TMTC1: variants seen among roughly 807,000 people sequenced by gnomAD.
TMTC1 encodes the protein protein O-mannosyl-transferase TMTC1.
A neutral mutation model predicts 104.8 loss-of-function variants in TMTC1; 73 were observed. The observed-to-expected ratio is 0.70, with a 90% confidence interval of 0.58 to 0.85. TMTC1 has a LOEUF of 0.85. Among genes scored for constraint, TMTC1 ranks in the 40% least tolerant of loss-of-function variants. TMTC1 has a pLI of 0.00. For missense variants in TMTC1, 1,035 were observed against 1,096.1 expected (o/e 0.94, Z 0.79); for synonymous variants, 434 against 428.7 (o/e 1.01, Z -0.15).
chr12:29,646,134 C>T (rs1413846874), intron 5 of TMTC1, among the ~76,000 whole-genome samples: 7 of 152,140 alleles, frequency 4.6e-5, no homozygotes, highest in Admixed American at 3.3e-4. Context: ...ATGCTGGTGT[C>T]TCATGGAGAA....
At chr12:29,633,866 G>A (rs1161635567) in intron 5 of TMTC1, among the ~76,000 whole-genome samples, 2 of 152,208 alleles carry the variant, frequency 1.3e-5, no homozygotes, top group Non-Finnish European at 2.9e-5. Context: ...AATGGATGGA[G>A]GAGGTGTTAT....
chr12:29,620,142 G>A (rs896810257), intron 6 of TMTC1, among the ~76,000 whole-genome samples: 1 of 152,204 alleles, frequency 6.6e-6, no homozygotes, highest in African/African-American at 2.4e-5. Context: ...TAAGCTGTGA[G>A]AATTTCATGA....
At chr12:29,711,656 A>C (rs1196611031) in intron 5 of TMTC1, among the ~76,000 whole-genome samples, 6 of 152,172 alleles carry the variant, frequency 3.9e-5, no homozygotes, top group Non-Finnish European at 7.4e-5. Context: ...GGACTTTAAA[A>C]AGCTGCTGAA....
At chr12:29,533,736 C>G (rs897148456) in intron 11 of TMTC1, 2 of 152,018 alleles carry the variant, frequency 1.3e-5, no homozygotes, top group African/African-American at 4.8e-5. Flanking sequence ...AGTTTGCCAA[C>G]TGAAAGAGCT....
At chr12:29,720,520 A>C (rs577310144) in intron 5 of TMTC1, among the ~76,000 whole-genome samples, 1 of 152,364 alleles carries the variant, frequency 6.6e-6, no homozygotes, top group South Asian at 2.1e-4. Context: ...CATAACTGAA[A>C]TATTAAATTC....
chr12:29,595,032 C>T (rs921340899), intron 7 of TMTC1, among the ~76,000 whole-genome samples: 21 of 152,196 alleles, frequency 1.4e-4, no homozygotes, highest in African/African-American at 4.1e-4. Context: ...GAAATCATGA[C>T]TTCCAATTAG....
intron 10 of TMTC1, among the ~76,000 whole-genome samples, chr12:29,547,056 T>A (rs1944962191): frequency 6.6e-6 from 1 of 151,894 alleles, no homozygotes; most frequent in Non-Finnish European, 1.5e-5. Context: ...GTGAATGGGG[T>A]GGGAAAATGA....
At chr12:29,745,695 A>G (rs1164181693) in intron 5 of TMTC1, among the ~76,000 whole-genome samples, 2 of 151,812 alleles carry the variant, frequency 1.3e-5, no homozygotes, top group Non-Finnish European at 2.9e-5. Flanking sequence ...AAGATTAGGA[A>G]AGATATAATT....
intron 5 of TMTC1, among the ~76,000 whole-genome samples, chr12:29,685,110 T>C (rs76287636): frequency 0.14 from 21,033 of 152,048 alleles, 1,738 homozygotes; most frequent in East Asian, 0.34. Context: ...TTTACCGACA[T>C]TGTAAATGAT....
intron 1 of TMTC1, among the ~76,000 whole-genome samples, chr12:29,776,310 A>G (rs1188384247): frequency 6.6e-6 from 1 of 152,216 alleles, no homozygotes; most frequent in Non-Finnish European, 1.5e-5. Context: ...GCAAGTTCCA[A>G]TAGAAATTCA....
chr12:29,508,718 C>T lies in TMTC1; in HGVS notation c.2509-1732G>A, dbSNP rs185253732. 4.6e-5 allele frequency among the ~76,000 whole-genome samples: 7 copies of T among 152,074 alleles called. No homozygotes were observed. The East Asian group carries it at 5.8e-4, about 13-fold the overall frequency. On this transcript the variant is annotated intron_variant, in intron 17 of 17. Coordinates refer to ENST00000539277, the MANE Select transcript of TMTC1 (RefSeq NM_001193451.2). ...CCTCCCGAGTAGCTGGGACTACAGG[C>T]GTGCACCACAACATGCCCGGCTAAT...
chr12:29,593,756 A>C (rs765065480), intron 7 of TMTC1, among the ~76,000 whole-genome samples: 2 of 152,256 alleles, frequency 1.3e-5, no homozygotes, highest in Non-Finnish European at 2.9e-5. Flanking sequence ...GAATTAATAC[A>C]TAATGAGGAA....
intron 5 of TMTC1, among the ~76,000 whole-genome samples, chr12:29,694,560 T>G (rs11050390): frequency 0.046 from 7,049 of 152,014 alleles, 207 homozygotes; most frequent in Middle Eastern, 0.075. Flanking sequence ...ATTGTCAATC[T>G]GTGAAATCCA....
rs368182914 is a variant in TMTC1 at position 29,560,799 on chromosome 12, A to C, written c.1533-3799T>G. On this transcript the variant is annotated intron_variant, in intron 9 of 17. Transcript: ENST00000539277. The stretch of plus-strand genomic sequence containing the variant: ...ATTAATAGAGTAGGCAGTCAAGGGC[A>C]TCATTCCTCTCATCTTATCTCTGAA... Among the ~76,000 whole-genome samples the C allele has an allele frequency of 8.2e-4, 125 of 152,270 alleles. 1 individual carries two copies. The highest frequency in any genetic ancestry group is 2.9e-3 in the African/African-American group (119 of 41,550).
intron 5 of TMTC1, among the ~76,000 whole-genome samples, chr12:29,647,283 G>A (rs1392534966): frequency 2.0e-5 from 3 of 152,072 alleles, no homozygotes; most frequent in Non-Finnish European, 4.4e-5. Context: ...GCCTCCCAAA[G>A]TGCTAGGATT....
At chr12:29,617,142 C>T (rs747538551) in intron 6 of TMTC1, among the ~76,000 whole-genome samples, 89 of 151,960 alleles carry the variant, frequency 5.9e-4, no homozygotes, top group Non-Finnish European at 1.0e-3. Flanking sequence ...GATCATTTTC[C>T]ATTTCCATCA....
chr12:29,568,724 A>C (rs1230748002), intron 9 of TMTC1: 1 of 324,534 alleles, frequency 3.1e-6, no homozygotes, highest in Non-Finnish European at 6.2e-6. Flanking sequence ...GGCCAAGTAC[A>C]CATCAATATC....
chr12:29,563,949 G>A (rs1305630781), intron 9 of TMTC1, among the ~76,000 whole-genome samples: 8 of 152,084 alleles, frequency 5.3e-5, no homozygotes, highest in Non-Finnish European at 8.8e-5. Flanking sequence ...AATGAGAGGC[G>A]CCTGAGACAT....
intron 6 of TMTC1, chr12:29,609,707 G>T (rs1293240622): frequency 6.6e-6 from 1 of 152,304 alleles, no homozygotes; most frequent in African/African-American, 2.4e-5. Flanking sequence ...AGACCAGCAT[G>T]GCCCATGCAA....
Sources: gnomAD v4.1 joint callset for allele counts (sites outside exome capture counted in the v4.1 genomes callset) on GRCh38, gnomAD v4.1.1 for gene constraint, MANE v1.5 for transcripts, NCBI Gene and HGNC (gene_info 2026-07-23, HGNC 2026-07-21) for gene names.